EIF5B: variants seen among roughly 807,000 people sequenced by gnomAD.
EIF5B encodes eukaryotic translation initiation factor 5B, also known as eIF-5B.
EIF5B carries 47 observed loss-of-function variants against 147.5 expected under a neutral mutation model. The ratio of observed to expected loss-of-function variants is 0.32; its 90% confidence interval spans 0.25 to 0.41. The LOEUF is 0.41. Among genes scored for constraint, EIF5B ranks in the 10% least tolerant of loss-of-function variants. The pLI is 1.00. For missense variants in EIF5B, 1,064 were observed against 1,413.2 expected (o/e 0.75, Z 3.96); for synonymous variants, 455 against 456.2 (o/e 1.00, Z 0.03).
At chr2:99,338,876 T>C (rs1025446077) in intron 1 of EIF5B, among the ~76,000 whole-genome samples, 3 of 150,518 alleles carry the variant, frequency 2.0e-5, no homozygotes, top group African/African-American at 7.3e-5. Flanking sequence ...TCAACCATTG[T>C]TAGCACATGA....
chr2:99,387,207 C>G (rs1674828521), intron 14 of EIF5B, among the ~76,000 whole-genome samples: 1 of 152,142 alleles, frequency 6.6e-6, no homozygotes, highest in African/African-American at 2.4e-5. Context: ...CGTGCCTGGC[C>G]CCAATTAATT....
chr2:99,360,626 A>G (rs766938701), intron 3 of EIF5B, 77 bp downstream of exon 3: 6 of 1,442,978 alleles, frequency 4.2e-6, no homozygotes, highest in Non-Finnish European at 5.7e-6. Flanking sequence ...GGGGAGCTAC[A>G]TTTGGAAACT....
chr2:99,345,918 T>C lies in EIF5B; in HGVS notation c.35+8329T>C, dbSNP rs568884141. 3.6e-3 allele frequency among the ~76,000 whole-genome samples: 518 copies of C among 144,676 alleles called. 1 individual carries two copies. The highest frequency in any genetic ancestry group is 0.013 in the African/African-American group (492 of 38,812). The allele number at this position is 144,676 out of a possible 152,430, so 94.9% of individuals were successfully genotyped here. On this transcript the variant is annotated intron_variant, in intron 1 of 23. Transcript: ENST00000289371. ...ATGTTTGTGCCACTGCACTTCAGCC[T>C]GGGTGACAGAGCTAGACCCTGTCTC... is the stretch of plus-strand genomic sequence containing the variant.
intron 1 of EIF5B, among the ~76,000 whole-genome samples, chr2:99,357,499 A>G (rs1674118378): frequency 6.6e-6 from 1 of 152,242 alleles, no homozygotes; most frequent in Admixed American, 6.5e-5. Flanking sequence ...TAAGCATATT[A>G]AAAAACTGTT....
chr2:99,347,570 T>C (rs917181594), intron 1 of EIF5B, among the ~76,000 whole-genome samples: 3 of 152,130 alleles, frequency 2.0e-5, no homozygotes, highest in African/African-American at 7.2e-5. Flanking sequence ...CTGATGCTGC[T>C]TGTCCTATAA....
intron 1 of EIF5B, among the ~76,000 whole-genome samples, chr2:99,341,591 A>C (rs926931513): frequency 6.6e-6 from 1 of 152,240 alleles, no homozygotes; most frequent in African/African-American, 2.4e-5. Flanking sequence ...TGGTTAGGTT[A>C]GAATAGCAAT....
In EIF5B at chr2:99,361,428, A is replaced by T; in HGVS notation, c.527A>T (p.Glu176Val). ...EDEDNSKKIK[E>V]RSRINSSGES... is the part of the protein sequence containing the mutation. Reference sequence around the variant, plus strand: ...GAGGATAACAGTAAAAAAATTAAAGAGCGTTCAAGAATAAATTCTTCTGGT... The same window carrying T: ...GAGGATAACAGTAAAAAAATTAAAGTGCGTTCAAGAATAAATTCTTCTGGT... Residue 176 changes from glutamate (E) to valine (V), a missense_variant, in exon 4 of 24, where the codon GAG becomes GTG. By Grantham distance (121) the Glu-to-Val change is moderately radical. Coordinates refer to ENST00000289371, the MANE Select transcript of EIF5B (RefSeq NM_015904.4). 24 of 1,613,996 alleles carry T rather than the reference A, an allele frequency of 1.5e-5. No individual in the cohort carries two copies. Among genetic ancestry groups the T allele is most frequent in the Non-Finnish European group, 2.0e-5 (24 of 1,180,010 alleles).
In EIF5B at chr2:99,376,702, T is replaced by C. The variant is rs993196877; in HGVS notation, c.1842+66T>C. ...CTCTGTGATGATTAAAACAGTACTC[T>C]ACAACTAAAGGCTTTGAACAGCACT... On this transcript the variant is annotated intron_variant, in intron 10 of 23. Coordinates refer to ENST00000289371, the MANE Select transcript of EIF5B (RefSeq NM_015904.4). The C allele has an allele frequency of 4.0e-6, 6 of 1,508,804 alleles. No individual in the cohort carries two copies. In the East Asian group the frequency reaches 6.8e-5, roughly 17 times the overall value. 93.5% of individuals were successfully genotyped at this position (1,508,804 alleles called of 1,614,324 possible).
chr2:99,390,840 T>C (rs1674912920), intron 17 of EIF5B, 135 bp downstream of exon 17: 1 of 978,210 alleles, frequency 1.0e-6, no homozygotes. Context: ...CCTTTTATTT[T>C]AGTTGTCATC....
At chr2:99,360,155 G>A in intron 1 of EIF5B, 81 bp from the exon 2 acceptor site, 1 of 1,485,262 alleles carries the variant, frequency 6.7e-7, no homozygotes, top group Non-Finnish European at 9.0e-7. Context: ...GCATGAAAAA[G>A]GTTAAAATGA....
chr2:99,369,010 C>T (rs1011074392), intron 7 of EIF5B, among the ~76,000 whole-genome samples: 2 of 152,252 alleles, frequency 1.3e-5, no homozygotes, highest in Admixed American at 6.5e-5. Context: ...CAGTGGCTCA[C>T]GCCTGTAATC....
intron 1 of EIF5B, among the ~76,000 whole-genome samples, chr2:99,356,297 T>A (rs1286417788): frequency 6.6e-6 from 1 of 152,158 alleles, no homozygotes; most frequent in East Asian, 1.9e-4. Context: ...TTCTTCCTCT[T>A]TCTATATTGT....
chr2:99,392,388 T>C (rs183817308), intron 17 of EIF5B, among the ~76,000 whole-genome samples: 1 of 152,304 alleles, frequency 6.6e-6, no homozygotes, highest in East Asian at 1.9e-4. Context: ...TGTGAACATC[T>C]CTTGATGTGT....
intron 17 of EIF5B, among the ~76,000 whole-genome samples, chr2:99,391,127 A>C (rs1407142157): frequency 6.6e-6 from 1 of 152,224 alleles, no homozygotes; most frequent in African/African-American, 2.4e-5. Flanking sequence ...TGTATGTTTT[A>C]TATATTACAT....
intron 1 of EIF5B, among the ~76,000 whole-genome samples, chr2:99,344,598 G>A (rs1288613186): frequency 2.0e-5 from 3 of 151,980 alleles, no homozygotes; most frequent in South Asian, 2.1e-4. Flanking sequence ...CACCAGGCCC[G>A]GCTAATATTT....
intron 14 of EIF5B, among the ~76,000 whole-genome samples, chr2:99,384,906 G>T (rs764752063): frequency 3.9e-5 from 6 of 152,164 alleles, no homozygotes; most frequent in Non-Finnish European, 8.8e-5. Flanking sequence ...TGTGAACATT[G>T]TTGAAATGAC....
intron 14 of EIF5B, among the ~76,000 whole-genome samples, chr2:99,385,156 C>T (rs1337279101): frequency 6.6e-6 from 1 of 152,180 alleles, no homozygotes; most frequent in African/African-American, 2.4e-5. Flanking sequence ...AAGCGATTCT[C>T]CTGCCTCAGC....
At chr2:99,353,598 A>G (rs1483238760) in intron 1 of EIF5B, among the ~76,000 whole-genome samples, 1 of 152,068 alleles carries the variant, frequency 6.6e-6, no homozygotes, top group Non-Finnish European at 1.5e-5. Context: ...CTGTATATCC[A>G]TTACACAGTC....
Position 99,401,157 on chromosome 2 carries a change from G to T in EIF5B, c.*1743G>T. The T allele has an allele frequency of 2.8e-6, 2 of 722,944 alleles. No individual in the cohort carries two copies. The highest frequency in any genetic ancestry group is 2.3e-6 in the Non-Finnish European group (1 of 439,396). The allele number at this position is 722,944 out of a possible 1,614,324, so 44.8% of individuals were successfully genotyped here. A position where few individuals can be genotyped will look rare whatever the true frequency, so the allele number is the denominator to read the frequency against. On this transcript the variant is annotated 3_prime_UTR_variant, in exon 24 of 24. Transcript: ENST00000289371. ...AGAAATTTAAAATTATAAAAACTCC[G>T]AGCATTACTATCATGCACTTTGCAA...
Sources: allele counts gnomAD v4.1 joint callset (sites outside exome capture counted in the v4.1 genomes callset), GRCh38; gene constraint gnomAD v4.1.1; transcripts MANE v1.5; gene names NCBI Gene and HGNC (gene_info 2026-07-23, HGNC 2026-07-21).